EML4: variants seen among roughly 807,000 people sequenced by gnomAD.
EML4 encodes EMAP like 4.
In EML4, 72 loss-of-function variants were observed where a neutral mutation model predicts 129.0. That is an observed-to-expected ratio of 0.56 (90% CI 0.46 to 0.68). EML4 has a LOEUF of 0.68. Among genes scored for constraint, EML4 ranks in the 30% least tolerant of loss-of-function variants. EML4 has a pLI of 0.00. For synonymous variants in EML4, 532 were observed against 405.0 expected (o/e 1.31, Z -3.77); for missense variants, 1,363 against 1,190.6 (o/e 1.14, Z -2.13).
chr2:42,193,276 G>T (rs1366019209), intron 1 of EML4, among the ~76,000 whole-genome samples: 1 of 152,176 alleles, frequency 6.6e-6, no homozygotes, highest in Non-Finnish European at 1.5e-5. Flanking sequence ...GTTTGTGTAA[G>T]TACATTCTGT....
chr2:42,223,579 C>T (rs1673760572), intron 1 of EML4, among the ~76,000 whole-genome samples: 1 of 152,046 alleles, frequency 6.6e-6, no homozygotes, highest in African/African-American at 2.4e-5. Flanking sequence ...CTTCTCCTTG[C>T]TTACAAGGAA....
At chr2:42,308,064 TCTA>T (rs1668716978) in intron 17 of EML4, among the ~76,000 whole-genome samples, 1 of 152,274 alleles carries the variant, frequency 6.6e-6, no homozygotes, top group Non-Finnish European at 1.5e-5. Context: ...CTAGATATCT[TCTA>T]CTTCATGTAA....
chr2:42,279,601 G>A (rs550955151), intron 6 of EML4, among the ~76,000 whole-genome samples: 187 of 152,040 alleles, frequency 1.2e-3, no homozygotes, highest in Admixed American at 2.6e-3. Flanking sequence ...GGGACTACAG[G>A]TGCCCGCCAT....
intron 1 of EML4, among the ~76,000 whole-genome samples, chr2:42,212,464 ACT>A (rs1329577885): frequency 1.3e-5 from 2 of 152,012 alleles, no homozygotes; most frequent in African/African-American, 4.8e-5. Flanking sequence ...TTAAAAGCAA[ACT>A]CGGCAGTAGA....
chr2:42,255,182 T>C (rs1215439120), intron 2 of EML4, among the ~76,000 whole-genome samples: 4 of 151,940 alleles, frequency 2.6e-5, no homozygotes, highest in Non-Finnish European at 5.9e-5. Flanking sequence ...GCCTCCCAAG[T>C]TCCTGCCATT....
chr2:42,319,004 G>A (rs1393632413), intron 19 of EML4, among the ~76,000 whole-genome samples: 1 of 151,870 alleles, frequency 6.6e-6, no homozygotes, highest in Non-Finnish European at 1.5e-5. Flanking sequence ...GCACCTGTCC[G>A]GTTTTTAATC....
intron 6 of EML4, among the ~76,000 whole-genome samples, chr2:42,266,192 A>G (rs1666055199): frequency 6.6e-6 from 1 of 152,246 alleles, no homozygotes; most frequent in Non-Finnish European, 1.5e-5. Context: ...TTGTTTTTAC[A>G]TAGACATTCT....
At chr2:42,326,106 A>G (rs1216465148) in intron 20 of EML4, 48 bp from the exon 21 acceptor site, 1 of 1,604,938 alleles carries the variant, frequency 6.2e-7, no homozygotes, top group Non-Finnish European at 8.5e-7. Context: ...TTTCAAATAC[A>G]TTTGTACACA....
chr2:42,246,064 A>G (rs1558536654), intron 2 of EML4, among the ~76,000 whole-genome samples: 5 of 152,246 alleles, frequency 3.3e-5, no homozygotes, highest in Non-Finnish European at 5.9e-5. Flanking sequence ...ATACAGAAAC[A>G]TAATTAAAAT....
intron 10 of EML4, 45 bp from the exon 11 acceptor site, chr2:42,288,182 C>T: frequency 2.5e-6 from 2 of 794,708 alleles, no homozygotes; most frequent in Non-Finnish European, 4.1e-6. Flanking sequence ...AGAATGTTAG[C>T]CCTATCAGTG....
chr2:42,224,700 T>A (rs924956392), intron 1 of EML4, among the ~76,000 whole-genome samples: 2 of 152,128 alleles, frequency 1.3e-5, no homozygotes, highest in African/African-American at 4.8e-5. Flanking sequence ...CCCCTTATCC[T>A]CACCAACACT....
At chr2:42,254,606 T>A (rs1448932881) in intron 2 of EML4, among the ~76,000 whole-genome samples, 2 of 125,948 alleles carry the variant, frequency 1.6e-5, no homozygotes, top group African/African-American at 3.0e-5. Flanking sequence ...TAACACTTAA[T>A]ACCCTCTTGA....
intron 17 of EML4, among the ~76,000 whole-genome samples, chr2:42,310,996 A>G (rs1049010816): frequency 1.3e-5 from 2 of 152,248 alleles, no homozygotes; most frequent in Non-Finnish European, 2.9e-5. Flanking sequence ...TACCAAAAGT[A>G]GAAGAATTAG....
At chr2:42,312,930 C>G (rs1457108137) in intron 17 of EML4, among the ~76,000 whole-genome samples, 1 of 147,954 alleles carries the variant, frequency 6.8e-6, no homozygotes, top group Non-Finnish European at 1.5e-5. Flanking sequence ...CCTTTCCCTA[C>G]TGAACCAATG....
At chr2:42,194,522 CT>C (rs879663296) in intron 1 of EML4, among the ~76,000 whole-genome samples, 397 of 141,086 alleles carry the variant, frequency 2.8e-3, no homozygotes, top group Middle Eastern at 0.026. Context: ...TTTTTTATTT[CT>C]TTTTTTTTTT....
At chr2:42,215,003 T>C (rs1166264027) in intron 1 of EML4, among the ~76,000 whole-genome samples, 2 of 152,164 alleles carry the variant, frequency 1.3e-5, no homozygotes, top group African/African-American at 2.4e-5. Flanking sequence ...GCGTGTTTCA[T>C]TGGGGGTTCA....
intron 17 of EML4, among the ~76,000 whole-genome samples, chr2:42,312,754 C>G (rs1226543059): frequency 6.6e-6 from 1 of 150,890 alleles, no homozygotes; most frequent in Non-Finnish European, 1.5e-5. Flanking sequence ...GGGGTTTCAC[C>G]TTGTTAGCCA....
At chr2:42,270,232 T>C (rs1286808982) in intron 6 of EML4, among the ~76,000 whole-genome samples, 1 of 152,138 alleles carries the variant, frequency 6.6e-6, no homozygotes, top group African/African-American at 2.4e-5. Flanking sequence ...GTCCCCACAA[T>C]ACCTTCACTA....
chr2:42,300,354 A>G (rs139959369), intron 13 of EML4, among the ~76,000 whole-genome samples: 1 of 152,340 alleles, frequency 6.6e-6, no homozygotes, highest in African/African-American at 2.4e-5. Context: ...AAAAGGTATG[A>G]GTACTATCAT....
Sources: allele counts gnomAD v4.1 joint callset (sites outside exome capture counted in the v4.1 genomes callset), GRCh38; gene constraint gnomAD v4.1.1; transcripts MANE v1.5; gene names NCBI Gene and HGNC (gene_info 2026-07-23, HGNC 2026-07-21).